Variants in ZFHX3 observed in about 807,000 individuals in gnomAD.
ZFHX3 encodes the protein zinc finger homeobox 3.
ZFHX3 carries 42 observed loss-of-function variants against 279.1 expected under a neutral mutation model. That is an observed-to-expected ratio of 0.15 (90% CI 0.12 to 0.19). The LOEUF (loss-of-function observed/expected upper bound fraction) is 0.19, where lower values mean the gene tolerates loss of function less well. Ranked by LOEUF, ZFHX3 falls within the 10% of genes least tolerant of loss-of-function variation. The pLI, the probability that ZFHX3 is intolerant of heterozygous loss-of-function variation, is 1.00. For synonymous variants in ZFHX3, 2,293 were observed against 1,957.8 expected (o/e 1.17, Z -4.52); for missense variants, 4,981 against 4,754.0 (o/e 1.05, Z -1.40).
intron 4 of ZFHX3, among the ~76,000 whole-genome samples, chr16:73,271,869 T>A (rs1810440754): frequency 6.6e-6 from 1 of 152,238 alleles, no homozygotes; most frequent in African/African-American, 2.4e-5. Flanking sequence ...CACCTGCTTC[T>A]CTTCTCAGTT....
intron 1 of ZFHX3, chr16:73,815,490 T>G (rs189800915): frequency 1.3e-5 from 2 of 152,254 alleles, no homozygotes; most frequent in Non-Finnish European, 2.9e-5. Flanking sequence ...ATGTCAGTTC[T>G]GCAGAATTTA....
intron 2 of ZFHX3, chr16:73,499,845 C>T (rs1044758330): frequency 6.6e-6 from 1 of 152,140 alleles, no homozygotes; most frequent in Non-Finnish European, 1.5e-5. Flanking sequence ...ATTACAATGG[C>T]GCTGAAAATT....
At chr16:73,058,587 G>GC (rs1965623765) in exon 1 of ZFHX3, 1 of 247,146 alleles carries the variant, frequency 4.0e-6, no homozygotes, top group Non-Finnish European at 7.7e-6. Flanking sequence ...GGCGGCGGCG[G>GC]CGGGAGCTGG....
At chr16:73,786,548 T>C (rs560697217) in intron 1 of ZFHX3, among the ~76,000 whole-genome samples, 6 of 152,314 alleles carry the variant, frequency 3.9e-5, no homozygotes, top group East Asian at 1.9e-4. Flanking sequence ...AGGAATCCTC[T>C]CAATTCCAGC....
At chr16:73,204,227 C>T (rs183868580) in intron 5 of ZFHX3, among the ~76,000 whole-genome samples, 5 of 151,482 alleles carry the variant, frequency 3.3e-5, no homozygotes, top group Middle Eastern at 3.4e-3. Context: ...ATGAATCAAG[C>T]GCATTACATT....
intron 5 of ZFHX3, among the ~76,000 whole-genome samples, chr16:73,222,233 A>G (rs1597227933): frequency 6.6e-6 from 1 of 152,130 alleles, no homozygotes; most frequent in Non-Finnish European, 1.5e-5. Context: ...AAAATTGTGC[A>G]TTTAAAGCAC....
At chr16:73,220,751 G>A (rs1271830696) in intron 5 of ZFHX3, among the ~76,000 whole-genome samples, 1 of 151,616 alleles carries the variant, frequency 6.6e-6, no homozygotes, top group Non-Finnish European at 1.5e-5. Flanking sequence ...CAGAGGGGTT[G>A]CATTCTTTGT....
rs1218421086 is a variant in ZFHX3 at position 72,904,366 on chromosome 16, CAAAATAAATAAA to C, written c.3217-14416_3217-14405del. 1.2e-4 allele frequency among the ~76,000 whole-genome samples: 16 copies of C among 132,260 alleles called. No homozygotes were observed. The South Asian group carries it at 2.1e-3, about 18-fold the overall frequency. The allele number at this position is 132,260 out of a possible 152,430, so 86.8% of individuals were successfully genotyped here. A position where few individuals can be genotyped will look rare whatever the true frequency, so the allele number is the denominator to read the frequency against. On this transcript the variant is annotated intron_variant, in intron 3 of 9. Transcript: ENST00000268489. ...CTGGCAACAGAGTGAGATTCTGTCT[CAAAATAAATAAA>C]TAAATAAATAAATAAATAAATAAAT... is the stretch of plus-strand genomic sequence containing the variant.
Position 72,959,602 on chromosome 16 carries a change from C to A in ZFHX3, c.544G>T (p.Gly182Trp), listed in dbSNP as rs746011517. 1 of 1,614,182 alleles carries A rather than the reference C, an allele frequency of 6.2e-7. No individual in the cohort carries two copies. Among genetic ancestry groups the A allele is most frequent in the Admixed American group, 1.7e-5 (1 of 60,024 alleles). The change falls in exon 2 of 10, where the codon GGG becomes TGG. Residue 182 changes from glycine to tryptophan, a missense_variant. Physicochemically the swap from Gly to Trp is radical, Grantham distance 184. Transcript: ENST00000268489. ...NSLPGAGGKQ[G>W]DPSCAAPVYP... ...ACGGGTGCAGCACACGAAGGGTCCC[C>A]TTGCTTGCCCCCCGCGCCAGGGAGA...
At position 73,337,892 on chromosome 16, in the gene ZFHX3, CGG is replaced by C. The variant is rs71156156; in HGVS notation, c.-1290-19558_-1290-19557del. On this transcript the variant is annotated intron_variant, in intron 3 of 17. Coordinates refer to the ZFHX3 transcript ENST00000641206. ...TCAATAAGTCTTCATCTTCCCTTGG[CGG>C]GGGGGGGGGTCCTCATCCCCTTTTT... 2.5e-5 allele frequency among the ~76,000 whole-genome samples: 2 copies of C among 79,220 alleles called. 1 individual carries two copies. The highest frequency in any genetic ancestry group is 6.0e-5 in the Non-Finnish European group (2 of 33,516). 52.0% of individuals were successfully genotyped at this position (79,220 alleles called of 152,430 possible). A position where few individuals can be genotyped will look rare whatever the true frequency, so the allele number is the denominator to read the frequency against.
At chr16:73,428,694 A>G (rs2017856573) in intron 3 of ZFHX3, among the ~76,000 whole-genome samples, 1 of 152,148 alleles carries the variant, frequency 6.6e-6, no homozygotes. Context: ...ACAGAGAGAT[A>G]GAATAAATAT....
intron 1 of ZFHX3, among the ~76,000 whole-genome samples, chr16:73,868,401 G>C (rs1374987893): frequency 6.6e-6 from 1 of 152,238 alleles, no homozygotes; most frequent in African/African-American, 2.4e-5. Context: ...GCATGTGCCT[G>C]TAATCCCAGC....
chr16:73,445,204 A>G (rs1007577870), intron 3 of ZFHX3, among the ~76,000 whole-genome samples: 2 of 151,944 alleles, frequency 1.3e-5, no homozygotes, highest in African/African-American at 4.8e-5. Context: ...ATATGTATAT[A>G]CATAATTCGA....
rs529434812 is a variant in ZFHX3, at chr16:73,795,248, A to T, written c.-1608+96403T>A. On this transcript the variant is annotated intron_variant, in intron 1 of 17. Transcript: ENST00000641206. ...AGAAAACTCTCTCCAGACTCCAAAG[A>T]CTATTCCCATGACTTTGCTTTGTCT... 2.6e-5 allele frequency among the ~76,000 whole-genome samples: 4 copies of T among 152,314 alleles called. No homozygotes were observed. In the East Asian group the frequency reaches 7.7e-4, roughly 29 times the overall value.
At chr16:73,332,217 G>A (rs2015818805) in intron 3 of ZFHX3, among the ~76,000 whole-genome samples, 2 of 152,246 alleles carry the variant, frequency 1.3e-5, no homozygotes, top group East Asian at 1.9e-4. Context: ...GGGAAAACTG[G>A]AGCTATTAAA....
intron 3 of ZFHX3, among the ~76,000 whole-genome samples, chr16:73,414,432 T>C (rs966028351): frequency 3.1e-4 from 47 of 152,244 alleles, no homozygotes; most frequent in African/African-American, 1.1e-3. Flanking sequence ...TAACACCAAA[T>C]CTTCACTACA....
chr16:73,668,967 T>C lies in ZFHX3; in HGVS notation c.-1547+11213A>G, dbSNP rs116126828. On this transcript the variant is annotated intron_variant, in intron 2 of 17. Transcript: ENST00000641206. ...AAACTGTTGGTGGAGTATAAATTAG[T>C]TCAACCATTGTGGAAGACAGTGTGA... Among the ~76,000 whole-genome samples, 1,417 of 152,248 alleles carry C rather than the reference T, an allele frequency of 9.3e-3. 24 individuals carry two copies. The highest frequency in any genetic ancestry group is 0.031 in the African/African-American group (1,305 of 41,570).
chr16:73,838,180 A>C (rs993745785), intron 1 of ZFHX3, among the ~76,000 whole-genome samples: 7 of 152,150 alleles, frequency 4.6e-5, no homozygotes, highest in Admixed American at 1.3e-4. Context: ...TAGTGCCCCA[A>C]ATTGGCTCAG....
intron 2 of ZFHX3, among the ~76,000 whole-genome samples, chr16:73,573,412 A>C (rs962577165): frequency 1.3e-5 from 2 of 152,206 alleles, no homozygotes; most frequent in African/African-American, 4.8e-5. Flanking sequence ...CAGAAACCAC[A>C]GCACAGAAAA....
Sources: allele counts gnomAD v4.1 joint callset (sites outside exome capture counted in the v4.1 genomes callset), GRCh38; gene constraint gnomAD v4.1.1; transcripts MANE v1.5; gene names NCBI Gene and HGNC (gene_info 2026-07-23, HGNC 2026-07-21).